Variants in VAX1 observed in about 807,000 individuals in gnomAD.
VAX1 encodes ventral anterior homeobox 1.
A neutral mutation model predicts 17.6 loss-of-function variants in VAX1; 6 were observed. That is an observed-to-expected ratio of 0.34 (90% confidence interval 0.19 to 0.67). The LOEUF (loss-of-function observed/expected upper bound fraction) is 0.67. VAX1 is among the 30% of genes least tolerant of loss of function. VAX1 has a pLI of 0.69. For missense variants in VAX1, 408 were observed against 463.7 expected (o/e 0.88, Z 1.10); for synonymous variants, 256 against 227.4 (o/e 1.13, Z -1.13).
chr10:117,134,613 G>T lies in VAX1; in HGVS notation c.430-30C>A, dbSNP rs1196897693. ...GCGCCGGGGTGCGGGGAGAGTTGGA[G>T]AGAGGGGCAGGGAAGACCAGCGTCA... On this transcript the variant is annotated intron_variant, in intron 2 of 2. Transcript: ENST00000369206. The surrounding 1 kb of genome is among the most constrained non-coding windows in gnomAD (Gnocchi z 6.2). 26 of 1,498,528 alleles carry T rather than the reference G, an allele frequency of 1.7e-5. No individual in the cohort carries two copies. Among genetic ancestry groups the T allele is most frequent in the Non-Finnish European group, 2.3e-5 (26 of 1,126,060 alleles). The allele number at this position is 1,498,528 out of a possible 1,614,324, so 92.8% of individuals were successfully genotyped here.
At chr10:117,129,644 A>AGG (rs1554942230), downstream of VAX1, 4 of 60,682 alleles carry the variant, frequency 6.6e-5, no homozygotes, top group Non-Finnish European at 1.3e-4. Flanking sequence ...CCATTCAAGA[A>AGG]GGGGTGTGTG....
At position 117,138,163 on chromosome 10, in the gene VAX1, C is replaced by G. The variant is rs200079110; in HGVS notation, c.-107G>C. ...AAGAGGAAAAAGGGGACAAAACCCC[C>G]GACAACGCGGCCCGTACGCCCGGCC... On this transcript the variant is annotated 5_prime_UTR_variant, in exon 1 of 3. Transcript: ENST00000369206. 3.3e-6 allele frequency: 4 copies of G among 1,199,028 alleles called. No homozygotes were observed. The highest frequency in any genetic ancestry group is 4.5e-6 in the Non-Finnish European group (4 of 886,188). 74.3% of individuals were successfully genotyped at this position (1,199,028 alleles called of 1,614,324 possible).
At chr10:117,128,706 T>C (rs1233033604), downstream of VAX1, 1 of 152,214 alleles carries the variant, frequency 6.6e-6, no homozygotes. Flanking sequence ...TCCATGTCCA[T>C]TGCATGCCAG....
At position 117,134,257 on chromosome 10, in the gene VAX1, AC is replaced by A; in HGVS notation, c.755del (p.Gly252ValfsTer42). On this transcript the variant is annotated frameshift_variant, in exon 3 of 3. Transcript: ENST00000369206. LOFTEE classifies it high-confidence loss of function. The surrounding 1 kb of genome is among the most constrained non-coding windows in gnomAD (Gnocchi z 6.2). The part of the protein sequence containing the change: ...PHPPAVGGAP[G>X]PGPAGPGGLH... ...ATCCCCCCGGCCCGGCGGGCCCGGG[AC>A]CTGGAGCACCGCCCACAGCCGGCGG... is the stretch of plus-strand genomic sequence containing the variant. The A allele has an allele frequency of 7.4e-7, 1 of 1,348,988 alleles. No homozygotes were observed. Among genetic ancestry groups the A allele is most frequent in the Non-Finnish European group, 9.4e-7 (1 of 1,059,866 alleles). 83.6% of individuals were successfully genotyped at this position (1,348,988 alleles called of 1,614,324 possible).
downstream of VAX1, chr10:117,129,027 C>G (rs1357761219): frequency 2.0e-5 from 3 of 152,190 alleles, no homozygotes; most frequent in East Asian, 5.8e-4. Context: ...GATTTCCCGA[C>G]GTAGAAATGG....
rs1854177629 is a variant in VAX1, at chr10:117,136,311, G to C, written c.429+161C>G. Among the ~76,000 whole-genome samples, 1 of 152,230 alleles carries C rather than the reference G, an allele frequency of 6.6e-6. No individual in the cohort carries two copies. The highest frequency in any genetic ancestry group is 2.4e-5 in the African/African-American group (1 of 41,468). On this transcript the variant is annotated intron_variant, in intron 2 of 2. Transcript: ENST00000369206. This position sits in a 1 kb window ranked among gnomAD's most constrained non-coding sequence, Gnocchi z 5.0. ...GTGGGGGGAAAGGATGTATTATCTAGGGGAAGGAATCCTTAGGCCTGTCTT... is the reference window on the plus strand; with the variant it reads ...GTGGGGGGAAAGGATGTATTATCTACGGGAAGGAATCCTTAGGCCTGTCTT...
downstream of VAX1, chr10:117,132,384 C>A: frequency 6.2e-7 from 1 of 1,610,654 alleles, no homozygotes; most frequent in Non-Finnish European, 8.5e-7. The surrounding 1 kb of genome is among the most constrained non-coding windows in gnomAD (Gnocchi z 4.9). Context: ...TACAAAACAT[C>A]CAAATATCCA....
chr10:117,134,422 C>A lies in VAX1; in HGVS notation c.591G>T (p.Leu197=). ...LLSPPGLPAL[L]PPCATGALGS... ...CGAGAGCGCCCGTGGCGCAAGGCGG[C>A]AGCAGCGCAGGCAGGCCGGGCGGCG... is the stretch of plus-strand genomic sequence containing the variant. Residue 197 remains leucine, a synonymous_variant, in exon 3 of 3, where the codon CTG becomes CTT. Transcript: ENST00000369206. The surrounding 1 kb of genome is among the most constrained non-coding windows in gnomAD (Gnocchi z 6.2). The A allele has an allele frequency of 6.7e-7, 1 of 1,498,538 alleles. No homozygotes were observed. Among genetic ancestry groups the A allele is most frequent in the East Asian group, 2.8e-5 (1 of 35,666 alleles). The allele number at this position is 1,498,538 out of a possible 1,614,324, so 92.8% of individuals were successfully genotyped here.
chr10:117,135,123 A>AAGC (rs1418838690), intron 2 of VAX1, among the ~76,000 whole-genome samples: 1 of 152,196 alleles, frequency 6.6e-6, no homozygotes, highest in East Asian at 1.9e-4. Context: ...TTAGTCCTAG[A>AAGC]AGCACTACTC....
At chr10:117,129,457 G>T (rs554537471), downstream of VAX1, 1 of 152,714 alleles carries the variant, frequency 6.5e-6, no homozygotes, top group South Asian at 2.1e-4. Flanking sequence ...GGTTAGAAGA[G>T]ATATATGATT....
rs1438825494 is a variant in VAX1 at position 117,137,748 on chromosome 10, G to T, written c.241+68C>A. ...CTCCTTCCCACCGGCCTGTGTCGGC[G>T]GCAGCGCGCAGCTCCGGCCCCGGAG... On this transcript the variant is annotated intron_variant, in intron 1 of 2. Transcript: ENST00000369206. The surrounding 1 kb of genome is among the most constrained non-coding windows in gnomAD (Gnocchi z 7.4). 2.5e-6 allele frequency: 4 copies of T among 1,603,050 alleles called. No individual in the cohort carries two copies. Among genetic ancestry groups the T allele is most frequent in the Non-Finnish European group, 3.4e-6 (4 of 1,179,332 alleles).
chr10:117,132,392 C>G (rs769444799), downstream of VAX1: 5 of 1,610,864 alleles, frequency 3.1e-6, no homozygotes, highest in African/African-American at 1.3e-5. This position sits in a 1 kb window ranked among gnomAD's most constrained non-coding sequence, Gnocchi z 4.9. Context: ...ATCCAAATAT[C>G]CAAAACATTC....
At chr10:117,132,481 G>GAAAA, downstream of VAX1, 1 of 1,279,386 alleles carries the variant, frequency 7.8e-7, no homozygotes, top group South Asian at 1.4e-5. The surrounding 1 kb of genome is among the most constrained non-coding windows in gnomAD (Gnocchi z 4.9). Flanking sequence ...TATTTGCCTA[G>GAAAA]AAAAAAAAAA....
downstream of VAX1, chr10:117,132,488 A>T: frequency 6.3e-7 from 1 of 1,594,748 alleles, no homozygotes; most frequent in Non-Finnish European, 8.5e-7. The surrounding 1 kb of genome is among the most constrained non-coding windows in gnomAD (Gnocchi z 4.9). Flanking sequence ...CTAGAAAAAA[A>T]AAAAAGATGA....
Position 117,137,005 on chromosome 10 carries a change from CG to C in VAX1, c.242-347del, listed in dbSNP as rs1298161585. On this transcript the variant is annotated intron_variant, in intron 1 of 2. Coordinates refer to ENST00000369206, the MANE Select transcript of VAX1 (RefSeq NM_001112704.2). This position sits in a 1 kb window ranked among gnomAD's most constrained non-coding sequence, Gnocchi z 7.4. ...CCCTGTAGCCTGAGGGTACCCTTGT[CG>C]CCCCGCCCGGGTCCTGCGGGCCCCA... Among the ~76,000 whole-genome samples the C allele has an allele frequency of 5.9e-5, 9 of 152,090 alleles. No homozygotes were observed. The highest frequency in any genetic ancestry group is 5.9e-4 in the Admixed American group (9 of 15,274).
rs925757017 is a variant in VAX1 at position 117,134,645 on chromosome 10, G to A, written c.430-62C>T. On this transcript the variant is annotated intron_variant, in intron 2 of 2. Coordinates refer to ENST00000369206, the MANE Select transcript of VAX1 (RefSeq NM_001112704.2). This position sits in a 1 kb window ranked among gnomAD's most constrained non-coding sequence, Gnocchi z 6.2. ...GCAGGGAAGACCAGCGTCAAAGGAAGCGAGCTCCCGGGGCGCGCGGCTCCG... is the reference window on the plus strand; with the variant it reads ...GCAGGGAAGACCAGCGTCAAAGGAAACGAGCTCCCGGGGCGCGCGGCTCCG... 3 of 1,422,508 alleles carry A rather than the reference G, an allele frequency of 2.1e-6. No individual in the cohort carries two copies. Among genetic ancestry groups the A allele is most frequent in the Non-Finnish European group, 1.8e-6 (2 of 1,084,350 alleles). 88.1% of individuals were successfully genotyped at this position (1,422,508 alleles called of 1,614,324 possible).
chr10:117,136,675 T>C lies in VAX1; in HGVS notation c.242-16A>G, dbSNP rs751022937. On this transcript the variant is annotated splice_polypyrimidine_tract_variant and intron_variant, in intron 1 of 2. Transcript: ENST00000369206. This position sits in a 1 kb window ranked among gnomAD's most constrained non-coding sequence, Gnocchi z 5.0. ...CCCTTGGCATCTGGGGAAGGGGAGA[T>C]GTCAGCCGCCAGAACCCTCCCGTCC... The C allele has an allele frequency of 6.3e-6, 10 of 1,597,800 alleles. No individual in the cohort carries two copies. Among genetic ancestry groups the C allele is most frequent in the Non-Finnish European group, 6.8e-6 (8 of 1,167,976 alleles).
rs1366039970 is a variant in VAX1 at position 117,137,404 on chromosome 10, C to T, written c.241+412G>A. 6.6e-6 allele frequency among the ~76,000 whole-genome samples: 1 copy of T among 152,210 alleles called. No individual in the cohort carries two copies. The highest frequency in any genetic ancestry group is 1.5e-5 in the Non-Finnish European group (1 of 68,030). On this transcript the variant is annotated intron_variant, in intron 1 of 2. Coordinates refer to ENST00000369206, the MANE Select transcript of VAX1 (RefSeq NM_001112704.2). The surrounding 1 kb of genome is among the most constrained non-coding windows in gnomAD (Gnocchi z 7.4). The stretch of plus-strand genomic sequence containing the variant: ...CGCGATCGGCAGCTGTTCTCCGGGG[C>T]TCGCGTTCCCCCTTGGGTGCGCTCA...
At chr10:117,131,531 G>A (rs1432569275), downstream of VAX1, 1 of 152,334 alleles carries the variant, frequency 6.6e-6, no homozygotes, top group South Asian at 2.1e-4. Context: ...CACAGTACAC[G>A]AGTAGGGGCA....
Sources: gnomAD v4.1 joint callset for allele counts (sites outside exome capture counted in the v4.1 genomes callset) on GRCh38, gnomAD v4.1.1 for gene constraint, Gnocchi (gnomAD v3.1) non-coding constraint, MANE v1.5 for transcripts, NCBI Gene and HGNC (gene_info 2026-07-23, HGNC 2026-07-21) for gene names.